WSCD2: variants seen among roughly 807,000 people sequenced by gnomAD.
WSCD2 encodes the protein sialate:O-sulfotransferase 2.
In WSCD2, 28 loss-of-function variants were observed where a neutral mutation model predicts 55.7. The ratio of observed to expected loss-of-function variants is 0.50; its 90% CI spans 0.37 to 0.69. WSCD2 has a LOEUF of 0.69. WSCD2 is among the 30% of genes least tolerant of loss of function. WSCD2 has a pLI of 0.00. For synonymous variants in WSCD2, 301 were observed against 301.9 expected (o/e 1.00, Z 0.03); for missense variants, 616 against 762.1 (o/e 0.81, Z 2.26).
At chr12:108,237,780 T>C (rs959768187) in intron 7 of WSCD2, among the ~76,000 whole-genome samples, 3 of 152,274 alleles carry the variant, frequency 2.0e-5, no homozygotes, top group African/African-American at 7.2e-5. Context: ...CCAATCTTTA[T>C]AGCTTTTCTA....
chr12:108,133,687 G>A (rs955013043), intron 1 of WSCD2, among the ~76,000 whole-genome samples: 3 of 152,170 alleles, frequency 2.0e-5, no homozygotes, highest in Non-Finnish European at 4.4e-5. Context: ...TGGATGATGC[G>A]TGCTCATTTT....
rs1184055794 is a variant in WSCD2, at chr12:108,129,303, T to TGGCGGC, written c.-1168_-1163dup. 6.6e-6 allele frequency among the ~76,000 whole-genome samples: 1 copy of TGGCGGC among 151,956 alleles called. No individual in the cohort carries two copies. The highest frequency in any genetic ancestry group is 1.5e-5 in the Non-Finnish European group (1 of 67,924). Reference sequence around the variant, plus strand: ...GCGCCGGGCTGAGGCGCGCTGCTGGTGGCGGCGGCGGCAGCGGCGCGGGAG... The same window carrying TGGCGGC: ...GCGCCGGGCTGAGGCGCGCTGCTGGTGGCGGCGGCGGCGGCGGCAGCGGCGCGGGAG... On this transcript the variant is annotated 5_prime_UTR_variant, in exon 1 of 9. Coordinates refer to ENST00000547525, the MANE Select transcript of WSCD2 (RefSeq NM_014653.4).
At chr12:108,237,309 A>G (rs1258515603) in intron 7 of WSCD2, among the ~76,000 whole-genome samples, 1 of 152,260 alleles carries the variant, frequency 6.6e-6, no homozygotes, top group African/African-American at 2.4e-5. Flanking sequence ...TGTGGCCCTG[A>G]ACAAGATTGT....
chr12:108,222,103 T>TAAACACCTTC (rs541412301), intron 4 of WSCD2, among the ~76,000 whole-genome samples: 17 of 152,352 alleles, frequency 1.1e-4, no homozygotes, highest in African/African-American at 3.8e-4. Context: ...TTATCATTCA[T>TAAACACCTTC]AAACACCTTC....
chr12:108,240,437 C>G lies in WSCD2; in HGVS notation c.1238C>G (p.Ala413Gly), dbSNP rs376643141. 3.0e-5 allele frequency: 48 copies of G among 1,614,044 alleles called. No individual in the cohort carries two copies. The highest frequency in any genetic ancestry group is 4.0e-5 in the Non-Finnish European group (47 of 1,180,054). Residue 413 changes from alanine to glycine, a missense_variant, in exon 8 of 9, where the codon GCC (alanine) becomes GGC (glycine). Transcript: ENST00000547525. ...CAGAAAGAGATCGAGGCCTTCGACGCCGCCATCCTGCTCATCCGCAACCCC... is the reference window on the plus strand; with the variant it reads ...CAGAAAGAGATCGAGGCCTTCGACGGCGCCATCCTGCTCATCCGCAACCCC... ...SGQKEIEAFDAAILLIRNPYK... is the reference protein window; with the variant it reads ...SGQKEIEAFDGAILLIRNPYK...
chr12:108,179,781 G>A (rs146213945), intron 1 of WSCD2, among the ~76,000 whole-genome samples: 1 of 152,320 alleles, frequency 6.6e-6, no homozygotes, highest in East Asian at 1.9e-4. Context: ...TGGGCAAGTC[G>A]CTGGACCTAT....
intron 1 of WSCD2, among the ~76,000 whole-genome samples, chr12:108,161,379 C>T (rs942387890): frequency 1.3e-5 from 2 of 152,064 alleles, no homozygotes; most frequent in African/African-American, 4.8e-5. Flanking sequence ...AGAGTGGGCC[C>T]CTAATCCAAT....
chr12:108,164,160 T>TTTTTTTTTTTTTTTTTTTTTTTTG, intron 1 of WSCD2, among the ~76,000 whole-genome samples: 1 of 146,078 alleles, frequency 6.8e-6, no homozygotes, highest in Non-Finnish European at 1.5e-5. Flanking sequence ...TTTTTTTTTT[T>TTTTTTTTTTTTTTTTTTTTTTTTG]TTCAGAGAGG....
At chr12:108,144,391 G>C (rs138189559) in intron 1 of WSCD2, among the ~76,000 whole-genome samples, 1 of 152,286 alleles carries the variant, frequency 6.6e-6, no homozygotes, top group South Asian at 2.1e-4. Flanking sequence ...TGGCTGCTTC[G>C]AAGCAGTTCA....
intron 1 of WSCD2, among the ~76,000 whole-genome samples, chr12:108,170,126 T>C (rs1335379067): frequency 2.6e-5 from 4 of 152,178 alleles, no homozygotes; most frequent in Non-Finnish European, 5.9e-5. Flanking sequence ...AAAGAAAATG[T>C]CCTGGATGTA....
rs538623748 is a variant in WSCD2, at chr12:108,167,189, G to A, written c.-551-28093G>A. ...GCTCGTCTCGTAAGTGGGAATATTC[G>A]AACCTTATAGAGTGATATGAATGAT... is the stretch of plus-strand genomic sequence containing the variant. On this transcript the variant is annotated intron_variant, in intron 1 of 8. Coordinates refer to ENST00000547525, the MANE Select transcript of WSCD2 (RefSeq NM_014653.4). 3.3e-5 allele frequency among the ~76,000 whole-genome samples: 5 copies of A among 152,190 alleles called. No homozygotes were observed. The South Asian group carries it at 8.3e-4, about 25-fold the overall frequency.
intron 6 of WSCD2, among the ~76,000 whole-genome samples, chr12:108,230,325 C>A (rs1189612144): frequency 6.6e-6 from 1 of 152,180 alleles, no homozygotes; most frequent in Admixed American, 6.5e-5. Flanking sequence ...TATCCTAAAT[C>A]TGATCATCTC....
At position 108,248,833 on chromosome 12, in the gene WSCD2, T is replaced by C. The variant is rs2072656250; in HGVS notation, c.*490T>C. On this transcript the variant is annotated 3_prime_UTR_variant, in exon 9 of 9. Coordinates refer to ENST00000547525, the MANE Select transcript of WSCD2 (RefSeq NM_014653.4). This position sits in a 1 kb window ranked among gnomAD's most constrained non-coding sequence, Gnocchi z 4.3. ...CACCCAAGAAGTGCTGGCACCGATG[T>C]TTAACTCAGGCCACCTTCTGTTCTA... 2.0e-6 allele frequency: 2 copies of C among 989,954 alleles called. No individual in the cohort carries two copies. Among genetic ancestry groups the C allele is most frequent in the African/African-American group, 1.7e-5 (1 of 57,412 alleles). 61.3% of individuals were successfully genotyped at this position (989,954 alleles called of 1,614,324 possible).
intron 1 of WSCD2, among the ~76,000 whole-genome samples, chr12:108,153,995 G>T (rs1339679627): frequency 2.0e-5 from 3 of 152,154 alleles, no homozygotes; most frequent in Non-Finnish European, 4.4e-5. Flanking sequence ...TAGTCTAGAT[G>T]AAGTGTGATG....
chr12:108,227,405 C>T (rs1002170642), intron 6 of WSCD2, among the ~76,000 whole-genome samples: 3 of 152,224 alleles, frequency 2.0e-5, no homozygotes, highest in Admixed American at 6.5e-5. Flanking sequence ...CCCTTGGTGG[C>T]TCCTGTAGTG....
intron 6 of WSCD2, among the ~76,000 whole-genome samples, 195 bp downstream of exon 6, chr12:108,227,359 T>TTC (rs1479979043): frequency 2.6e-5 from 4 of 152,246 alleles, no homozygotes; most frequent in African/African-American, 9.6e-5. Flanking sequence ...GTGGGAAGCG[T>TTC]TCTGATGACC....
In WSCD2 at chr12:108,129,476, C is replaced by T. The variant is rs893447537; in HGVS notation, c.-1002C>T. ...CACCGGGCCCGGGCATCTCCATCCC[C>T]GGGGCGGGTGCCCGCGCGGGGCCTC... On this transcript the variant is annotated 5_prime_UTR_variant, in exon 1 of 9. Transcript: ENST00000547525. The T allele has an allele frequency of 6.6e-6, 1 of 151,510 alleles. No individual in the cohort carries two copies. Among genetic ancestry groups the T allele is most frequent in the Admixed American group, 6.6e-5 (1 of 15,238 alleles). 9.4% of individuals were successfully genotyped at this position (151,510 alleles called of 1,614,324 possible).
chr12:108,242,234 A>G (rs1291603397), intron 8 of WSCD2, among the ~76,000 whole-genome samples: 1 of 152,200 alleles, frequency 6.6e-6, no homozygotes, highest in Admixed American at 6.5e-5. Context: ...CTCAGGTCCC[A>G]ATTCACTCAA....
At position 108,240,447 on chromosome 12, in the gene WSCD2, G is replaced by C; in HGVS notation, c.1248G>C (p.Leu416=). 1 of 1,614,080 alleles carries C rather than the reference G, an allele frequency of 6.2e-7. No individual in the cohort carries two copies. The highest frequency in any genetic ancestry group is 8.5e-7 in the Non-Finnish European group (1 of 1,180,026). ...TCGAGGCCTTCGACGCCGCCATCCTGCTCATCCGCAACCCCTACAAAGCCC... is the reference window on the plus strand; with the variant it reads ...TCGAGGCCTTCGACGCCGCCATCCTCCTCATCCGCAACCCCTACAAAGCCC... ...KEIEAFDAAI[L]LIRNPYKALM... is the part of the protein sequence containing the mutation. The change falls in exon 8 of 9, where the codon CTG becomes CTC. Residue 416 remains leucine (L), a synonymous_variant. Transcript: ENST00000547525.
Sources: gnomAD v4.1 joint callset for allele counts (sites outside exome capture counted in the v4.1 genomes callset) on GRCh38, gnomAD v4.1.1 for gene constraint, Gnocchi (gnomAD v3.1) non-coding constraint, MANE v1.5 for transcripts, NCBI Gene and HGNC (gene_info 2026-07-23, HGNC 2026-07-21) for gene names.